Variants in FER observed in about 807,000 individuals in gnomAD.
The protein encoded by FER is tyrosine-protein kinase Fer.
A neutral mutation model predicts 111.0 loss-of-function variants in FER; 63 were observed. That is an observed-to-expected ratio of 0.57 (90% CI 0.46 to 0.70). The LOEUF is 0.70. Ranked by LOEUF, FER falls within the 30% of genes least tolerant of loss-of-function variation. The pLI is 0.00. For synonymous variants in FER, 327 were observed against 313.9 expected (o/e 1.04, Z -0.44); for missense variants, 914 against 954.0 (o/e 0.96, Z 0.55).
chr5:109,174,580 A>G (rs1204184763), intron 17 of FER, among the ~76,000 whole-genome samples: 2 of 152,112 alleles, frequency 1.3e-5, no homozygotes, highest in African/African-American at 4.8e-5. Context: ...AGGCAATCCT[A>G]CTGTCCTTCA....
intron 13 of FER, among the ~76,000 whole-genome samples, chr5:109,013,183 C>G (rs1360065272): frequency 5.3e-5 from 8 of 149,668 alleles, no homozygotes; most frequent in Non-Finnish European, 1.0e-4. Context: ...AACCCAGTAA[C>G]TCATCATTTA....
At chr5:108,767,937 A>G (rs952490055) in intron 1 of FER, among the ~76,000 whole-genome samples, 156 bp from the exon 2 acceptor site, 3 of 152,232 alleles carry the variant, frequency 2.0e-5, no homozygotes, top group African/African-American at 7.2e-5. Flanking sequence ...CAATGGATAG[A>G]TAAGTTAGGT....
intron 13 of FER, among the ~76,000 whole-genome samples, chr5:109,031,018 G>T (rs914717897): frequency 5.3e-5 from 8 of 152,130 alleles, no homozygotes; most frequent in African/African-American, 1.4e-4. Flanking sequence ...ATTTCTTGGT[G>T]GGGCAAAGCA....
At chr5:108,812,319 C>G (rs1412317671) in intron 3 of FER, among the ~76,000 whole-genome samples, 2 of 152,120 alleles carry the variant, frequency 1.3e-5, no homozygotes, top group East Asian at 3.8e-4. Context: ...GGCCCTTTAT[C>G]ACTGAGAAAT....
chr5:108,826,499 C>A (rs1229081431), intron 3 of FER, among the ~76,000 whole-genome samples: 1 of 152,144 alleles, frequency 6.6e-6, no homozygotes, highest in Non-Finnish European at 1.5e-5. Flanking sequence ...ACGGTCCTCT[C>A]GCCTCAACCT....
chr5:109,131,194 G>C (rs1752320912), intron 17 of FER, among the ~76,000 whole-genome samples: 1 of 152,102 alleles, frequency 6.6e-6, no homozygotes, highest in South Asian at 2.1e-4. Flanking sequence ...GGATTATTTA[G>C]CATTTAGCAG....
chr5:108,892,149 A>T (rs1474875879), intron 9 of FER, among the ~76,000 whole-genome samples: 1 of 152,174 alleles, frequency 6.6e-6, no homozygotes, highest in Non-Finnish European at 1.5e-5. Flanking sequence ...TCTTTATAGC[A>T]GCATGATTTA....
At chr5:109,082,038 T>C (rs975247443) in intron 16 of FER, among the ~76,000 whole-genome samples, 7 of 137,152 alleles carry the variant, frequency 5.1e-5, no homozygotes, top group Non-Finnish European at 1.1e-4. Context: ...TATTATAGTT[T>C]ATGTATGAAA....
chr5:108,994,801 A>G (rs1763779927), intron 13 of FER, among the ~76,000 whole-genome samples: 1 of 152,212 alleles, frequency 6.6e-6, no homozygotes, highest in Non-Finnish European at 1.5e-5. Flanking sequence ...AGTGGTTTGT[A>G]GTTCTCCTTG....
At chr5:108,976,342 C>G (rs1346321285) in intron 13 of FER, among the ~76,000 whole-genome samples, 1 of 152,098 alleles carries the variant, frequency 6.6e-6, no homozygotes, top group African/African-American at 2.4e-5. Context: ...TATCAGATTG[C>G]TACTTTTAAA....
intron 16 of FER, among the ~76,000 whole-genome samples, chr5:109,099,180 T>A (rs1398056463): frequency 1.3e-5 from 2 of 151,552 alleles, no homozygotes; most frequent in Admixed American, 6.6e-5. Flanking sequence ...ACTCTTTTTT[T>A]AATAGTGCAA....
intron 8 of FER, among the ~76,000 whole-genome samples, chr5:108,877,073 A>G (rs1451583118): frequency 1.3e-5 from 2 of 152,210 alleles, no homozygotes; most frequent in Non-Finnish European, 2.9e-5. Flanking sequence ...CTCCTGTTAC[A>G]GAGGATGATA....
intron 2 of FER, among the ~76,000 whole-genome samples, chr5:108,774,591 C>A (rs909839338): frequency 5.9e-5 from 9 of 152,160 alleles, no homozygotes; most frequent in Non-Finnish European, 8.8e-5. Flanking sequence ...TTAATAATCA[C>A]CATTGTGATT....
At chr5:109,046,736 A>G (rs1047865357) in intron 15 of FER, among the ~76,000 whole-genome samples, 1 of 152,272 alleles carries the variant, frequency 6.6e-6, no homozygotes, top group Admixed American at 6.5e-5. Context: ...TCCCTAAACA[A>G]TACAGTATAA....
intron 5 of FER, among the ~76,000 whole-genome samples, chr5:108,851,962 G>A (rs189919981): frequency 1.0e-3 from 156 of 152,310 alleles, no homozygotes; most frequent in African/African-American, 3.6e-3. Context: ...GCCCATGTCA[G>A]TCAGTCTAGA....
chr5:108,984,592 A>G (rs1182991567), intron 13 of FER, among the ~76,000 whole-genome samples: 1 of 151,954 alleles, frequency 6.6e-6, no homozygotes, highest in Non-Finnish European at 1.5e-5. Flanking sequence ...TGTATTATTC[A>G]TTGAGTTATA....
chr5:109,021,808 T>G (rs1241275486), intron 13 of FER, among the ~76,000 whole-genome samples: 1 of 152,110 alleles, frequency 6.6e-6, no homozygotes. Flanking sequence ...TGCATTTTGT[T>G]CCTAAAAGTT....
chr5:109,068,621 A>G (rs756537748), intron 16 of FER, among the ~76,000 whole-genome samples: 3 of 152,196 alleles, frequency 2.0e-5, no homozygotes, highest in African/African-American at 4.8e-5. Flanking sequence ...CTTTGGAACC[A>G]TATGTGGTTT....
At chr5:109,056,352 A>C (rs997533144) in intron 16 of FER, among the ~76,000 whole-genome samples, 1 of 152,232 alleles carries the variant, frequency 6.6e-6, no homozygotes, top group African/African-American at 2.4e-5. Context: ...GGATAAAGAA[A>C]ATGTGTTACA....
Sources: gnomAD v4.1 joint callset for allele counts (sites outside exome capture counted in the v4.1 genomes callset) on GRCh38, gnomAD v4.1.1 for gene constraint, MANE v1.5 for transcripts, NCBI Gene and HGNC (gene_info 2026-07-23, HGNC 2026-07-21) for gene names.